Variants in ENTREP2 observed in about 807,000 individuals in gnomAD.
ENTREP2 encodes the protein protein ENTREP2.
At chr15:29,653,407 T>C in the ENTREP2 span, among the ~76,000 whole-genome samples, 2 of 152,214 alleles carry the variant, frequency 1.3e-5, no homozygotes, top group Admixed American at 6.5e-5. Context: ...TGATACAGTT[T>C]GGCTGTGTCC....
At chr15:29,407,682 T>C in the ENTREP2 span, among the ~76,000 whole-genome samples, 2 of 118,976 alleles carry the variant, frequency 1.7e-5, no homozygotes, top group East Asian at 7.9e-4. Flanking sequence ...TTTTTTGGGT[T>C]GGGGGGAGCC....
the ENTREP2 span, among the ~76,000 whole-genome samples, chr15:29,315,001 G>A: frequency 1.3e-5 from 2 of 152,170 alleles, no homozygotes; most frequent in Non-Finnish European, 2.9e-5. Context: ...GCAGTGAGCC[G>A]AGATCGTGCC....
the ENTREP2 span, among the ~76,000 whole-genome samples, chr15:29,143,047 G>C: frequency 6.6e-6 from 1 of 152,180 alleles, no homozygotes; most frequent in Non-Finnish European, 1.5e-5. Flanking sequence ...ATGGATACAA[G>C]CATGCATTAT....
chr15:29,342,934 T>C, the ENTREP2 span, among the ~76,000 whole-genome samples: 7 of 151,590 alleles, frequency 4.6e-5, no homozygotes, highest in African/African-American at 1.7e-4. Flanking sequence ...TTATTTTATT[T>C]ATTTAGCCAC....
the ENTREP2 span, among the ~76,000 whole-genome samples, chr15:29,564,108 C>G: frequency 6.6e-6 from 1 of 152,044 alleles, no homozygotes; most frequent in East Asian, 1.9e-4. Flanking sequence ...CCCAATAGAT[C>G]AGGAAAGTTC....
chr15:29,124,918 C>T, the ENTREP2 span, among the ~76,000 whole-genome samples: 2 of 152,248 alleles, frequency 1.3e-5, no homozygotes, highest in African/African-American at 2.4e-5. Flanking sequence ...AGACAGGAAC[C>T]GCCCTGCAGC....
At chr15:29,387,684 A>G in the ENTREP2 span, among the ~76,000 whole-genome samples, 1 of 152,182 alleles carries the variant, frequency 6.6e-6, no homozygotes, top group Non-Finnish European at 1.5e-5. Flanking sequence ...CCAAAAGAAC[A>G]AAGCTGGAGG....
the ENTREP2 span, among the ~76,000 whole-genome samples, chr15:29,163,472 AT>A: frequency 2.0e-5 from 3 of 152,128 alleles, no homozygotes; most frequent in Non-Finnish European, 4.4e-5. Flanking sequence ...AGAAAAAAAA[AT>A]AAATAAAAAA....
the ENTREP2 span, among the ~76,000 whole-genome samples, chr15:29,391,178 A>G: frequency 1.3e-5 from 2 of 151,440 alleles, no homozygotes; most frequent in East Asian, 3.9e-4. Context: ...ATCTGTCTCT[A>G]CCTTTGAGGA....
At chr15:29,532,346 G>A in the ENTREP2 span, among the ~76,000 whole-genome samples, 3 of 152,152 alleles carry the variant, frequency 2.0e-5, no homozygotes, top group South Asian at 2.1e-4. Context: ...GTTATACAAA[G>A]AGACAGTGTT....
At chr15:29,595,947 T>C in the ENTREP2 span, among the ~76,000 whole-genome samples, 3 of 152,146 alleles carry the variant, frequency 2.0e-5, no homozygotes, top group African/African-American at 7.2e-5. Context: ...CACTAAAAGA[T>C]GCTCCCGGCT....
chr15:29,573,808 T>C, the ENTREP2 span, among the ~76,000 whole-genome samples: 3 of 152,160 alleles, frequency 2.0e-5, no homozygotes, highest in African/African-American at 7.2e-5. Context: ...TAATTTGGTC[T>C]GTTGGTGGGA....
the ENTREP2 span, among the ~76,000 whole-genome samples, chr15:29,516,434 A>T: frequency 1.3e-5 from 2 of 152,258 alleles, no homozygotes; most frequent in African/African-American, 4.8e-5. Context: ...CTTAAGGAGC[A>T]GAAACACTAG....
the ENTREP2 span, among the ~76,000 whole-genome samples, chr15:29,327,064 T>C: frequency 6.6e-6 from 1 of 151,850 alleles, no homozygotes; most frequent in African/African-American, 2.4e-5. Context: ...AAAAATTATA[T>C]CAAAAGGGAT....
At chr15:29,200,485 A>G in the ENTREP2 span, among the ~76,000 whole-genome samples, 4 of 151,952 alleles carry the variant, frequency 2.6e-5, no homozygotes, top group South Asian at 6.2e-4. Flanking sequence ...CTCCATATAC[A>G]TTTTAGAATA....
chr15:29,329,968 G>C, the ENTREP2 span, among the ~76,000 whole-genome samples: 2 of 152,214 alleles, frequency 1.3e-5, no homozygotes, highest in African/African-American at 4.8e-5. Context: ...CACTCCTTAA[G>C]TGGAGGCTGC....
the ENTREP2 span, among the ~76,000 whole-genome samples, chr15:29,272,977 G>T: frequency 6.6e-6 from 1 of 152,236 alleles, no homozygotes; most frequent in Admixed American, 6.5e-5. Context: ...GGCAGCATCA[G>T]GTGGTTGGTT....
At chr15:29,336,791 C>G in the ENTREP2 span, among the ~76,000 whole-genome samples, 5 of 152,194 alleles carry the variant, frequency 3.3e-5, no homozygotes, top group Non-Finnish European at 7.3e-5. Context: ...CCACAGCTGG[C>G]TCCTGGTAGG....
chr15:29,442,455 T>G, the ENTREP2 span, among the ~76,000 whole-genome samples: 20,645 of 152,184 alleles, frequency 0.14, 1,577 homozygotes, highest in Non-Finnish European at 0.18. Context: ...TAATTTTTAT[T>G]CTTGGAGAAA....
Sources: allele counts gnomAD v4.1 joint callset (sites outside exome capture counted in the v4.1 genomes callset), GRCh38; gene constraint gnomAD v4.1.1; transcripts MANE v1.5; gene names NCBI Gene and HGNC (gene_info 2026-07-23, HGNC 2026-07-21).